ADGRB3: variants seen among roughly 807,000 people sequenced by gnomAD.
ADGRB3 encodes adhesion G protein-coupled receptor B3.
Under a neutral mutation model 193.4 loss-of-function variants are expected in ADGRB3, and 37 were observed. The ratio of observed to expected loss-of-function variants is 0.19; its 90% CI spans 0.15 to 0.25. ADGRB3 has a LOEUF of 0.25. Among genes scored for constraint, ADGRB3 ranks in the 10% least tolerant of loss-of-function variants. The probability of loss-of-function intolerance (pLI) is 1.00; values close to 1 mark genes in which losing one functional copy is unlikely to be tolerated. For missense variants in ADGRB3, 1,637 were observed against 1,852.9 expected (o/e 0.88, Z 2.14); for synonymous variants, 690 against 644.2 (o/e 1.07, Z -1.08).
At chr6:69,312,307 T>C (rs751272576) in intron 20 of ADGRB3, among the ~76,000 whole-genome samples, 7 of 151,786 alleles carry the variant, frequency 4.6e-5, no homozygotes, top group Non-Finnish European at 7.4e-5. Flanking sequence ...ATAATGTTCT[T>C]TCACTGATAG....
chr6:69,067,857 T>A (rs1771952214), intron 16 of ADGRB3, among the ~76,000 whole-genome samples: 1 of 152,188 alleles, frequency 6.6e-6, no homozygotes, highest in Non-Finnish European at 1.5e-5. Flanking sequence ...TCAAATTTAG[T>A]TTATTGTTAA....
At chr6:68,957,362 A>C in intron 8 of ADGRB3, among the ~76,000 whole-genome samples, 1 of 152,224 alleles carries the variant, frequency 6.6e-6, no homozygotes, top group East Asian at 1.9e-4. Flanking sequence ...ATTTTACAGG[A>C]TCATTTAGAA....
intron 17 of ADGRB3, among the ~76,000 whole-genome samples, chr6:69,173,902 T>C (rs1775355277): frequency 6.6e-6 from 1 of 152,160 alleles, no homozygotes; most frequent in South Asian, 2.1e-4. Context: ...CAGAAAGTAA[T>C]GGAGAACATG....
intron 17 of ADGRB3, among the ~76,000 whole-genome samples, chr6:69,215,715 A>G (rs563339302): frequency 2.0e-5 from 3 of 152,142 alleles, no homozygotes; most frequent in Non-Finnish European, 4.4e-5. Flanking sequence ...TCCAAAGCCT[A>G]TTAGTTGTGG....
At chr6:69,141,136 G>GTT (rs201662051) in intron 17 of ADGRB3, among the ~76,000 whole-genome samples, 2 of 125,826 alleles carry the variant, frequency 1.6e-5, no homozygotes, top group Admixed American at 8.5e-5. Context: ...TTTGGGGGGG[G>GTT]CGGTGGGGAC....
At chr6:68,787,644 G>A (rs986560882) in intron 3 of ADGRB3, among the ~76,000 whole-genome samples, 1 of 152,082 alleles carries the variant, frequency 6.6e-6, no homozygotes, top group Non-Finnish European at 1.5e-5. Flanking sequence ...GCCAGTCTTT[G>A]GTATCAGGAT....
rs1767455786 is a variant in ADGRB3, at chr6:68,935,256, A to G, written c.869-1263A>G. Among the ~76,000 whole-genome samples, 3 of 152,196 alleles carry G rather than the reference A, an allele frequency of 2.0e-5. 1 individual carries two copies. The highest frequency in any genetic ancestry group is 6.5e-5 in the Admixed American group (1 of 15,272). On this transcript the variant is annotated intron_variant, in intron 4 of 31. Transcript: ENST00000370598. ...TAAGCTGACATTTCATTTTTAGAAC[A>G]AATTTCTCACTGAGAAAATCTGTGT...
chr6:69,048,171 T>G lies in ADGRB3; in HGVS notation c.2108-14T>G. ...AAGCAAGTTTAATTGAAATTATTAT[T>G]TCTTTTTTAATAGTGGCTAGTATTC... On this transcript the variant is annotated splice_polypyrimidine_tract_variant and intron_variant, in intron 13 of 31. Transcript: ENST00000370598. 6.2e-7 allele frequency: 1 copy of G among 1,604,698 alleles called. No homozygotes were observed. Among genetic ancestry groups the G allele is most frequent in the Non-Finnish European group, 8.5e-7 (1 of 1,176,238 alleles).
chr6:68,722,257 T>A (rs571785993), intron 3 of ADGRB3, among the ~76,000 whole-genome samples: 62 of 151,870 alleles, frequency 4.1e-4, no homozygotes, highest in African/African-American at 1.4e-3. Flanking sequence ...TTCTCACTCA[T>A]AAGTGGGAAT....
At chr6:69,361,536 T>C in intron 29 of ADGRB3, 24 bp downstream of exon 29, 2 of 1,593,334 alleles carry the variant, frequency 1.3e-6, no homozygotes, top group Non-Finnish European at 1.7e-6. Flanking sequence ...GATTAAATTT[T>C]TCCTTGATAG....
intron 3 of ADGRB3, among the ~76,000 whole-genome samples, chr6:68,794,805 C>G (rs1767174755): frequency 6.6e-6 from 1 of 151,986 alleles, no homozygotes; most frequent in Non-Finnish European, 1.5e-5. Context: ...TCACTTATAT[C>G]CAGTCTGATC....
chr6:69,299,078 C>A (rs147438394), intron 20 of ADGRB3, among the ~76,000 whole-genome samples: 2,843 of 152,034 alleles, frequency 0.019, 89 homozygotes, highest in African/African-American at 0.065. Flanking sequence ...GACATTTTAA[C>A]TGGGGTGAGA....
chr6:69,036,132 T>C (rs1024695038), intron 13 of ADGRB3, among the ~76,000 whole-genome samples: 3 of 152,194 alleles, frequency 2.0e-5, no homozygotes, highest in Admixed American at 1.3e-4. Flanking sequence ...GTAATCTCTT[T>C]AAATGCAAGG....
At chr6:69,021,039 G>A (rs1770248905) in intron 13 of ADGRB3, among the ~76,000 whole-genome samples, 1 of 151,774 alleles carries the variant, frequency 6.6e-6, no homozygotes, top group Non-Finnish European at 1.5e-5. Context: ...ATGTGAATTG[G>A]CCCTCATTCT....
intron 3 of ADGRB3, among the ~76,000 whole-genome samples, chr6:68,818,071 C>T (rs1328831250): frequency 6.6e-6 from 1 of 151,894 alleles, no homozygotes; most frequent in Non-Finnish European, 1.5e-5. Context: ...AATAAAGTGG[C>T]TTTAGGTTCT....
intron 3 of ADGRB3, among the ~76,000 whole-genome samples, chr6:68,795,093 C>A: frequency 6.6e-6 from 1 of 152,032 alleles, no homozygotes; most frequent in South Asian, 2.1e-4. Flanking sequence ...TTAATTAAAA[C>A]TTACATTAAA....
chr6:69,346,190 C>T (rs1769084765), intron 26 of ADGRB3, among the ~76,000 whole-genome samples: 1 of 152,158 alleles, frequency 6.6e-6, no homozygotes, highest in South Asian at 2.1e-4. Context: ...TCAATGCTAT[C>T]CCTATCAAGC....
At chr6:68,652,348 C>A (rs1768386165) in intron 3 of ADGRB3, among the ~76,000 whole-genome samples, 1 of 152,152 alleles carries the variant, frequency 6.6e-6, no homozygotes, top group Non-Finnish European at 1.5e-5. Flanking sequence ...CTATGTCACA[C>A]TTGTGAAATA....
chr6:69,294,061 G>C (rs899988301), intron 20 of ADGRB3, among the ~76,000 whole-genome samples: 1 of 152,002 alleles, frequency 6.6e-6, no homozygotes, highest in Admixed American at 6.6e-5. Flanking sequence ...TTCCCTCTTC[G>C]TCTCCTCAGC....
Sources: allele counts gnomAD v4.1 joint callset (sites outside exome capture counted in the v4.1 genomes callset), GRCh38; gene constraint gnomAD v4.1.1; transcripts MANE v1.5; gene names NCBI Gene and HGNC (gene_info 2026-07-23, HGNC 2026-07-21).